The following CCSER1 variants were observed in gnomAD, a reference collection of about 807,000 sequenced individuals.
The protein encoded by CCSER1 is serine-rich coiled-coil domain-containing protein 1.
In CCSER1, 41 loss-of-function variants were observed where a neutral mutation model predicts 82.0. The observed-to-expected ratio is 0.50, with a 90% CI of 0.39 to 0.65. CCSER1 has a LOEUF of 0.65. Among genes scored for constraint, CCSER1 ranks in the 30% least tolerant of loss-of-function variants. The pLI is 0.00. For missense variants in CCSER1, 1,119 were observed against 1,064.2 expected (o/e 1.05, Z -0.72); for synonymous variants, 414 against 383.9 (o/e 1.08, Z -0.92).
At chr4:90,571,816 C>G (rs1268012193) in intron 5 of CCSER1, among the ~76,000 whole-genome samples, 2 of 152,152 alleles carry the variant, frequency 1.3e-5, no homozygotes, top group South Asian at 4.2e-4. Context: ...TTTGATGTTA[C>G]CATTTGCATA....
intron 10 of CCSER1, among the ~76,000 whole-genome samples, chr4:91,268,696 G>T (rs1421970213): frequency 6.6e-6 from 1 of 152,120 alleles, no homozygotes; most frequent in African/African-American, 2.4e-5. Context: ...ATTTGGGTGG[G>T]TAGTGGAAAA....
chr4:90,557,013 A>G (rs545824149), intron 5 of CCSER1, among the ~76,000 whole-genome samples: 553 of 152,076 alleles, frequency 3.6e-3, no homozygotes, highest in Middle Eastern at 0.01. Context: ...TAATTTATTT[A>G]TATCTACTTA....
chr4:90,628,097 C>A lies in CCSER1; in HGVS notation c.1797C>A (p.Asn599Lys), dbSNP rs761226657. The change falls in exon 6 of 11, where the codon AAC (asparagine) becomes AAA (lysine). Residue 599 changes from asparagine (N) to lysine (K), a missense_variant. Asn to Lys is a moderately conservative substitution (Grantham distance 94). Transcript: ENST00000509176. ...ARCSHISRMP[N>K]SPSADWPLQG... ...GTTCCCACATCAGCCGAATGCCCAA[C>A]AGTCCATCTGCGGATTGGCCTCTAC... is the stretch of plus-strand genomic sequence containing the variant. The A allele has an allele frequency of 6.2e-7, 1 of 1,613,652 alleles. No homozygotes were observed. Among genetic ancestry groups the A allele is most frequent in the Non-Finnish European group, 8.5e-7 (1 of 1,179,698 alleles).
intron 6 of CCSER1, among the ~76,000 whole-genome samples, chr4:90,699,063 T>G (rs993863127): frequency 1.3e-5 from 2 of 152,012 alleles, no homozygotes; most frequent in African/African-American, 4.8e-5. Context: ...ATCCCACCAC[T>G]GCACTCCAGC....
chr4:90,732,338 T>G (rs1158745179), intron 7 of CCSER1, among the ~76,000 whole-genome samples: 1 of 152,064 alleles, frequency 6.6e-6, no homozygotes, highest in Non-Finnish European at 1.5e-5. Context: ...ATTCAGAGAT[T>G]TGTAAGAAGA....
intron 10 of CCSER1, among the ~76,000 whole-genome samples, chr4:91,128,607 G>A (rs1231672706): frequency 2.0e-5 from 3 of 151,962 alleles, no homozygotes; most frequent in African/African-American, 4.8e-5. Flanking sequence ...TAATCCTAAC[G>A]GCAAAATCAG....
intron 6 of CCSER1, among the ~76,000 whole-genome samples, chr4:90,718,506 T>G (rs776999051): frequency 6.6e-6 from 1 of 152,248 alleles, no homozygotes; most frequent in Non-Finnish European, 1.5e-5. Flanking sequence ...CCCAAACAAA[T>G]AGATCATTTT....
At chr4:91,310,612 A>G (rs902976018) in intron 10 of CCSER1, among the ~76,000 whole-genome samples, 10 of 151,834 alleles carry the variant, frequency 6.6e-5, no homozygotes, top group Admixed American at 2.6e-4. Context: ...CTGGTATTAG[A>G]ATTAACACTC....
At chr4:91,334,528 AAAC>A (rs1367881527) in intron 10 of CCSER1, among the ~76,000 whole-genome samples, 4 of 152,070 alleles carry the variant, frequency 2.6e-5, no homozygotes, top group Non-Finnish European at 5.9e-5. Flanking sequence ...AGAGAAAAGA[AAAC>A]ACACACTCAC....
At chr4:90,752,139 T>C (rs1748760942) in intron 7 of CCSER1, among the ~76,000 whole-genome samples, 1 of 152,124 alleles carries the variant, frequency 6.6e-6, no homozygotes, top group African/African-American at 2.4e-5. Context: ...AGGAAAACTT[T>C]ACAGCGACTC....
chr4:90,328,337 C>G (rs1738601363), intron 3 of CCSER1, among the ~76,000 whole-genome samples: 1 of 84,248 alleles, frequency 1.2e-5, no homozygotes, highest in Non-Finnish European at 2.1e-5. Context: ...TGGATTCTCT[C>G]CTTTTTTTTT....
intron 5 of CCSER1, among the ~76,000 whole-genome samples, chr4:90,501,211 T>C (rs1769817774): frequency 6.6e-6 from 1 of 152,194 alleles, no homozygotes; most frequent in Non-Finnish European, 1.5e-5. Context: ...ATATTTGATA[T>C]TCACAGGAAT....
At chr4:90,382,910 C>T (rs1749434513) in intron 3 of CCSER1, among the ~76,000 whole-genome samples, 1 of 151,964 alleles carries the variant, frequency 6.6e-6, no homozygotes, top group Non-Finnish European at 1.5e-5. Context: ...ACTTCAACAC[C>T]GTGTGTTATT....
intron 10 of CCSER1, among the ~76,000 whole-genome samples, chr4:91,565,396 T>A (rs940179492): frequency 1.2e-4 from 19 of 152,066 alleles, no homozygotes; most frequent in African/African-American, 4.1e-4. Flanking sequence ...CTTTTATGGT[T>A]CCATATGAAA....
chr4:91,209,995 G>A (rs1408184230), intron 10 of CCSER1, among the ~76,000 whole-genome samples: 2 of 151,464 alleles, frequency 1.3e-5, no homozygotes, highest in Non-Finnish European at 3.0e-5. Flanking sequence ...AAATAAACAA[G>A]GGCTTACTGA....
chr4:90,376,913 A>T (rs1748418963), intron 3 of CCSER1, among the ~76,000 whole-genome samples: 1 of 152,190 alleles, frequency 6.6e-6, no homozygotes, highest in Non-Finnish European at 1.5e-5. Flanking sequence ...GTCTCCTTCC[A>T]GAATGAACAG....
chr4:90,951,498 C>G (rs1440894428), intron 9 of CCSER1, among the ~76,000 whole-genome samples: 2 of 152,048 alleles, frequency 1.3e-5, no homozygotes, highest in Non-Finnish European at 2.9e-5. Flanking sequence ...GGAAAGAATA[C>G]TGCAAGGGGA....
At chr4:90,166,065 G>A (rs1730396936) in intron 1 of CCSER1, among the ~76,000 whole-genome samples, 2 of 151,946 alleles carry the variant, frequency 1.3e-5, no homozygotes, top group South Asian at 4.1e-4. Flanking sequence ...CTTTATGATG[G>A]TGCGAAAGTG....
chr4:91,133,652 C>G (rs749141217), intron 10 of CCSER1, among the ~76,000 whole-genome samples: 1 of 152,036 alleles, frequency 6.6e-6, no homozygotes, highest in Non-Finnish European at 1.5e-5. Flanking sequence ...TTGAGAGGGA[C>G]AAGAAGCAAT....
Sources: allele counts gnomAD v4.1 joint callset (sites outside exome capture counted in the v4.1 genomes callset), GRCh38; gene constraint gnomAD v4.1.1; transcripts MANE v1.5; gene names NCBI Gene and HGNC (gene_info 2026-07-23, HGNC 2026-07-21).